FGF14: variants seen among roughly 807,000 people sequenced by gnomAD.
FGF14 encodes the protein fibroblast growth factor 14, also known as fibroblast growth factor homologous factor 4.
A neutral mutation model predicts 25.5 loss-of-function variants in FGF14; 5 were observed. The observed-to-expected ratio is 0.20, with a 90% confidence interval of 0.10 to 0.41. FGF14 has a LOEUF of 0.41. FGF14 is among the 10% of genes least tolerant of loss of function. The probability of loss-of-function intolerance (pLI) is 1.00; values close to 1 mark genes in which losing one functional copy is unlikely to be tolerated. For missense variants in FGF14, 222 were observed against 320.1 expected, an observed-to-expected ratio of 0.69 and a Z score of 2.34; for synonymous variants, 138 against 118.3, an observed-to-expected ratio of 1.17 and a Z score of -1.08.
At chr13:102,024,685 T>TA (rs34200612) in intron 1 of FGF14, among the ~76,000 whole-genome samples, 2 of 152,018 alleles carry the variant, frequency 1.3e-5, no homozygotes, top group Admixed American at 1.3e-4. Flanking sequence ...AAACTTTGCC[T>TA]AATTTACTAT....
rs1406512726 is a variant in FGF14 at position 102,187,050 on chromosome 13, T to C, written c.208+214421A>G. Reference sequence around the variant, plus strand: ...CACAAATAGGCACATGCCTGAGTTATTTAGGTAGAGTACATATGGGGGACA... The same window carrying C: ...CACAAATAGGCACATGCCTGAGTTACTTAGGTAGAGTACATATGGGGGACA... On this transcript the variant is annotated intron_variant, in intron 1 of 4. Coordinates refer to the FGF14 transcript ENST00000376131. 6.6e-5 allele frequency among the ~76,000 whole-genome samples: 10 copies of C among 152,170 alleles called. No homozygotes were observed. The East Asian group carries it at 1.2e-3, about 18-fold the overall frequency.
rs78322325 is a variant in FGF14 at position 101,826,775 on chromosome 13, T to C, written c.408+41950A>G. On this transcript the variant is annotated intron_variant, in intron 3 of 4. Coordinates refer to ENST00000376143, the MANE Select transcript of FGF14 (RefSeq NM_004115.4). ...TTAAAAATTAAGTATGGAATTTTTATTTAACAGACGTCTGCAAATATTTTT... is the reference window on the plus strand; with the variant it reads ...TTAAAAATTAAGTATGGAATTTTTACTTAACAGACGTCTGCAAATATTTTT... Among the ~76,000 whole-genome samples the C allele has an allele frequency of 4.7e-3, 710 of 152,172 alleles. 4 individuals are homozygous for C. Among genetic ancestry groups the C allele is most frequent in the Middle Eastern group, 0.014 (4 of 294 alleles).
At chr13:101,833,155 T>A (rs756265855) in intron 3 of FGF14, among the ~76,000 whole-genome samples, 2 of 152,040 alleles carry the variant, frequency 1.3e-5, no homozygotes, top group Non-Finnish European at 2.9e-5. Flanking sequence ...CTCCATGCAG[T>A]GCATACCCCA....
intron 1 of FGF14, among the ~76,000 whole-genome samples, chr13:101,884,868 T>TACACACAC (rs760286958): frequency 8.2e-5 from 6 of 73,236 alleles, no homozygotes; most frequent in Admixed American, 4.7e-4. Flanking sequence ...GACACATACA[T>TACACACAC]ACACACACAC....
intron 3 of FGF14, among the ~76,000 whole-genome samples, chr13:101,735,700 T>C (rs943514638): frequency 5.9e-5 from 9 of 151,678 alleles, no homozygotes; most frequent in Admixed American, 5.3e-4. Context: ...ATTGTTGTTA[T>C]TAACTCCCCA....
At chr13:101,810,807 T>C (rs1426590314) in intron 3 of FGF14, among the ~76,000 whole-genome samples, 2 of 152,176 alleles carry the variant, frequency 1.3e-5, no homozygotes, top group Non-Finnish European at 2.9e-5. Flanking sequence ...CTGACTGTCT[T>C]GGATTTTCAA....
intron 1 of FGF14, among the ~76,000 whole-genome samples, chr13:101,948,115 C>T (rs1002674400): frequency 6.6e-6 from 1 of 152,104 alleles, no homozygotes; most frequent in African/African-American, 2.4e-5. Context: ...AAGATGTTTT[C>T]GATATGCTAA....
At chr13:101,894,881 G>A (rs1419895727) in intron 1 of FGF14, among the ~76,000 whole-genome samples, 1 of 151,992 alleles carries the variant, frequency 6.6e-6, no homozygotes, top group Non-Finnish European at 1.5e-5. Flanking sequence ...CATTTGCATC[G>A]AGAAGCATAG....
intron 1 of FGF14, among the ~76,000 whole-genome samples, chr13:101,892,292 C>T (rs1346478197): frequency 6.6e-6 from 1 of 152,032 alleles, no homozygotes; most frequent in Non-Finnish European, 1.5e-5. Flanking sequence ...CATGTAGGTT[C>T]CCACTGTACA....
At chr13:102,053,418 A>G (rs2042299741) in intron 1 of FGF14, among the ~76,000 whole-genome samples, 1 of 152,136 alleles carries the variant, frequency 6.6e-6, no homozygotes, top group African/African-American at 2.4e-5. Context: ...AAATAACAAA[A>G]GAAAATTCAG....
chr13:101,777,552 T>C (rs371980815), intron 3 of FGF14, among the ~76,000 whole-genome samples: 14 of 152,306 alleles, frequency 9.2e-5, no homozygotes, highest in African/African-American at 3.4e-4. Flanking sequence ...CAAATGAGAA[T>C]GACTCCCCGA....
chr13:102,259,542 A>G (rs1398892708), intron 1 of FGF14, among the ~76,000 whole-genome samples: 2 of 152,046 alleles, frequency 1.3e-5, no homozygotes, highest in Non-Finnish European at 2.9e-5. Context: ...CATAGCATAT[A>G]TATCATCCCA....
At chr13:102,167,263 T>C (rs1472177951) in intron 1 of FGF14, among the ~76,000 whole-genome samples, 3 of 132,348 alleles carry the variant, frequency 2.3e-5, no homozygotes, top group African/African-American at 9.0e-5. Flanking sequence ...GTGTGAACCC[T>C]GAAGGCAGAG....
At chr13:102,337,806 C>A (rs553130182) in intron 1 of FGF14, among the ~76,000 whole-genome samples, 1 of 152,064 alleles carries the variant, frequency 6.6e-6, no homozygotes, top group Non-Finnish European at 1.5e-5. Context: ...AAAAAGATTA[C>A]GGCTCATGGT....
At chr13:102,376,368 C>G (rs546579614) in intron 1 of FGF14, among the ~76,000 whole-genome samples, 2 of 152,190 alleles carry the variant, frequency 1.3e-5, no homozygotes, top group Non-Finnish European at 2.9e-5. Flanking sequence ...AATTAAACCT[C>G]TTTCCTTTAT....
At chr13:101,871,879 C>A (rs1042373626) in intron 2 of FGF14, among the ~76,000 whole-genome samples, 72 of 151,944 alleles carry the variant, frequency 4.7e-4, no homozygotes, top group Non-Finnish European at 8.2e-4. Flanking sequence ...CCACCAGAAC[C>A]ATTTACCCAT....
Position 102,253,183 on chromosome 13 carries a change from G to A in FGF14, c.208+148288C>T, listed in dbSNP as rs568553305. Among the ~76,000 whole-genome samples, 8 of 152,160 alleles carry A rather than the reference G, an allele frequency of 5.3e-5. No homozygotes were observed. In the South Asian group the frequency reaches 8.3e-4, roughly 16 times the overall value. The stretch of plus-strand genomic sequence containing the variant: ...GACTTATAATCCTTTGGGTATATAC[G>A]CAGTAATGGGATTGCTGGATCAAAT... On this transcript the variant is annotated intron_variant, in intron 1 of 4. Transcript: ENST00000376131.
intron 3 of FGF14, among the ~76,000 whole-genome samples, chr13:101,787,136 C>T (rs983516892): frequency 2.0e-5 from 3 of 151,666 alleles, no homozygotes; most frequent in African/African-American, 7.3e-5. Flanking sequence ...AAACACTAGG[C>T]TATAATTCAG....
chr13:102,390,822 G>A (rs943387582), intron 1 of FGF14, among the ~76,000 whole-genome samples: 1 of 152,138 alleles, frequency 6.6e-6, no homozygotes, highest in Non-Finnish European at 1.5e-5. Context: ...TAAAAATCTA[G>A]TAAGTGTAAT....
Sources: gnomAD v4.1 joint callset for allele counts (sites outside exome capture counted in the v4.1 genomes callset) on GRCh38, gnomAD v4.1.1 for gene constraint, MANE v1.5 for transcripts, NCBI Gene and HGNC (gene_info 2026-07-23, HGNC 2026-07-21) for gene names.